The following DENND4C variants were observed in gnomAD, a reference collection of about 807,000 sequenced individuals.
DENND4C encodes the protein DENN domain-containing protein 4C.
DENND4C carries 108 observed loss-of-function variants against 203.0 expected under a neutral mutation model. The ratio of observed to expected loss-of-function variants is 0.53; its 90% CI spans 0.46 to 0.62. The LOEUF is 0.62. Ranked by LOEUF, DENND4C falls within the 20% of genes least tolerant of loss-of-function variation. The probability of loss-of-function intolerance (pLI) is 0.00; values close to 1 mark genes in which losing one functional copy is unlikely to be tolerated. For missense variants in DENND4C, 2,481 were observed against 2,301.2 expected, an observed-to-expected ratio of 1.08 and a Z score of -1.60; for synonymous variants, 871 against 792.4, an observed-to-expected ratio of 1.10 and a Z score of -1.67.
rs796829883 is a variant in DENND4C, at chr9:19,241,307, C to G, written c.-18+10474C>G. 6.6e-5 allele frequency among the ~76,000 whole-genome samples: 10 copies of G among 152,228 alleles called. 1 individual carries two copies. Among genetic ancestry groups the G allele is most frequent in the African/African-American group, 2.4e-4 (10 of 41,548 alleles). ...TGACTCTCGTAACAACACTTAAATACAAACGCATTTTACAGGTGTACAGAA... is the reference window on the plus strand; with the variant it reads ...TGACTCTCGTAACAACACTTAAATAGAAACGCATTTTACAGGTGTACAGAA... On this transcript the variant is annotated intron_variant, in intron 1 of 32. Transcript: ENST00000434457.
chr9:19,304,647 C>T (rs1162618527), intron 9 of DENND4C, among the ~76,000 whole-genome samples: 39 of 151,788 alleles, frequency 2.6e-4, no homozygotes, highest in Admixed American at 2.6e-3. Context: ...CGCCATTCTC[C>T]TGCCTCAGCC....
chr9:19,277,245 G>T (rs189569912), intron 2 of DENND4C, among the ~76,000 whole-genome samples: 4 of 152,214 alleles, frequency 2.6e-5, no homozygotes, highest in Non-Finnish European at 5.9e-5. Context: ...TAGGAATTTT[G>T]ATAGAGATTA....
intron 1 of DENND4C, among the ~76,000 whole-genome samples, chr9:19,275,897 G>A (rs1390199271): frequency 3.3e-5 from 5 of 152,126 alleles, no homozygotes; most frequent in Non-Finnish European, 7.3e-5. Flanking sequence ...ATGAGCCATC[G>A]CGCCCGGCCC....
intron 1 of DENND4C, among the ~76,000 whole-genome samples, chr9:19,247,225 A>G (rs1017145658): frequency 6.6e-6 from 1 of 152,154 alleles, no homozygotes; most frequent in Non-Finnish European, 1.5e-5. Context: ...AGTTTGTTGT[A>G]TCACACCTAG....
In DENND4C at chr9:19,299,169, A is replaced by G. The variant is rs547070256; in HGVS notation, c.1108-60A>G. On this transcript the variant is annotated intron_variant, in intron 7 of 32. Coordinates refer to ENST00000434457, the MANE Select transcript of DENND4C (RefSeq NM_001330640.2). ...TATAGATTTCAAAAGTAGTTTTGAA[A>G]CTTATCTCTTGGTTTGGTTAATTTA... 2.2e-5 allele frequency: 29 copies of G among 1,303,532 alleles called. No homozygotes were observed. The East Asian group carries it at 6.5e-4, about 29-fold the overall frequency. 80.7% of individuals were successfully genotyped at this position (1,303,532 alleles called of 1,614,324 possible). A position where few individuals can be genotyped will look rare whatever the true frequency, so the allele number is the denominator to read the frequency against.
intron 12 of DENND4C, among the ~76,000 whole-genome samples, chr9:19,323,962 C>T (rs1171138848): frequency 6.6e-6 from 1 of 152,134 alleles, no homozygotes; most frequent in Non-Finnish European, 1.5e-5. Context: ...TGACATTATG[C>T]CACAAGTGGA....
chr9:19,331,235 G>A (rs2490471), intron 16 of DENND4C, among the ~76,000 whole-genome samples: 24,801 of 147,484 alleles, frequency 0.17, 2,439 homozygotes, highest in Middle Eastern at 0.36. Flanking sequence ...ATGGAGTATC[G>A]CTCTGTCGCC....
chr9:19,330,740 A>G (rs1467157063), intron 16 of DENND4C, among the ~76,000 whole-genome samples: 1 of 151,978 alleles, frequency 6.6e-6, no homozygotes, highest in African/African-American at 2.4e-5. Flanking sequence ...TTCTGGGAAT[A>G]TATATAGTTT....
chr9:19,319,379 T>TACATATATATACACATATATATATACAC (rs1842454952), intron 12 of DENND4C, among the ~76,000 whole-genome samples: 57 of 105,832 alleles, frequency 5.4e-4, no homozygotes, highest in African/African-American at 2.3e-3. Context: ...TATATACACA[T>TACATATATATACACATATATATATACAC]ACATATATAT....
chr9:19,363,228 C>T (rs1826874634), intron 30 of DENND4C, among the ~76,000 whole-genome samples: 3 of 152,266 alleles, frequency 2.0e-5, no homozygotes, highest in South Asian at 4.1e-4. Context: ...GTTAGGGCCC[C>T]ACTTGGCCAG....
rs530588802 is a variant in DENND4C at position 19,243,518 on chromosome 9, C to T, written c.-18+12685C>T. 4.0e-4 allele frequency among the ~76,000 whole-genome samples: 61 copies of T among 152,278 alleles called. No individual in the cohort carries two copies. In the South Asian group the frequency reaches 0.012, roughly 30 times the overall value. On this transcript the variant is annotated intron_variant, in intron 1 of 32. Coordinates refer to ENST00000434457, the MANE Select transcript of DENND4C (RefSeq NM_001330640.2). Reference sequence around the variant, plus strand: ...CTGTACCCGTTAAGCAGTCTCTCCCCATTCCCAGTCTCCTAGTCCCTGCTG... The same window carrying T: ...CTGTACCCGTTAAGCAGTCTCTCCCTATTCCCAGTCTCCTAGTCCCTGCTG...
chr9:19,336,261 T>A lies in DENND4C; in HGVS notation c.2590-9T>A. 2 of 1,606,186 alleles carry A rather than the reference T, an allele frequency of 1.2e-6. No individual in the cohort carries two copies. The highest frequency in any genetic ancestry group is 1.7e-6 in the Non-Finnish European group (2 of 1,177,524). ...ATGAACATTATTTTTACCCTTATTT[T>A]ACCTTTAGGTAGTCTTGGAGAGCCC... On this transcript the variant is annotated splice_polypyrimidine_tract_variant and intron_variant, in intron 18 of 32. Transcript: ENST00000434457.
rs1359293657 is a variant in DENND4C, at chr9:19,276,297, T to C, written c.123T>C (p.Ala41=). The C allele has an allele frequency of 8.9e-6, 11 of 1,231,912 alleles. No individual in the cohort carries two copies. The East Asian group carries it at 3.5e-4, about 39-fold the overall frequency. The allele number at this position is 1,231,912 out of a possible 1,614,324, so 76.3% of individuals were successfully genotyped here. Residue 41 remains alanine, a synonymous_variant, in exon 2 of 33, where the codon GCT becomes GCC. Transcript: ENST00000434457. ...ATACTAAGTCAACTGGACCTAAAGC[T>C]CCAATTACAGACATTGCCATTATTA... The part of the protein sequence containing the change: ...RLDTKSTGPK[A]PITDIAIIIK...
intron 32 of DENND4C, 48 bp from the exon 33 acceptor site, chr9:19,371,989 T>C (rs751634630): frequency 6.3e-7 from 1 of 1,580,182 alleles, no homozygotes; most frequent in Non-Finnish European, 8.6e-7. Context: ...TGAACGGCTG[T>C]TGTCTTTCTT....
chr9:19,365,264 GTGT>G (rs1827395690), intron 30 of DENND4C, among the ~76,000 whole-genome samples: 1 of 152,154 alleles, frequency 6.6e-6, no homozygotes, highest in Non-Finnish European at 1.5e-5. Flanking sequence ...AAAATCAATT[GTGT>G]AATATACTAT....
rs138339758 is a variant in DENND4C, at chr9:19,342,611, A to C, written c.3005-22A>C. ...AATATTGGCAAAAGTAGGAATGATA[A>C]CATCCAAATATTTTTTTCCAGAGGT... On this transcript the variant is annotated intron_variant, in intron 21 of 32. Transcript: ENST00000434457. The C allele has an allele frequency of 5.0e-4, 789 of 1,573,676 alleles. 6 individuals are homozygous for C. The East Asian group carries it at 0.015, about 30-fold the overall frequency.
chr9:19,356,609 ATT>A (rs887796304), intron 26 of DENND4C, among the ~76,000 whole-genome samples: 1 of 147,806 alleles, frequency 6.8e-6, no homozygotes. Context: ...GCAGCTCTTT[ATT>A]TTTTTTTTTA....
chr9:19,296,688 C>G (rs549587011), intron 6 of DENND4C, among the ~76,000 whole-genome samples: 2 of 152,254 alleles, frequency 1.3e-5, no homozygotes, highest in African/African-American at 4.8e-5. Context: ...TGACTGTGAG[C>G]TTAAAATTGG....
chr9:19,307,445 G>GTAAA (rs1839913682), intron 10 of DENND4C, among the ~76,000 whole-genome samples: 2 of 146,696 alleles, frequency 1.4e-5, no homozygotes, highest in Non-Finnish European at 1.5e-5. Context: ...ACAGAATAAT[G>GTAAA]TAAATAACTT....
Sources: gnomAD v4.1 joint callset for allele counts (sites outside exome capture counted in the v4.1 genomes callset) on GRCh38, gnomAD v4.1.1 for gene constraint, MANE v1.5 for transcripts, NCBI Gene and HGNC (gene_info 2026-07-23, HGNC 2026-07-21) for gene names.